BNC2: variants seen among roughly 807,000 people sequenced by gnomAD.
The protein encoded by BNC2 is zinc finger protein basonuclin-2.
Under a neutral mutation model 76.3 loss-of-function variants are expected in BNC2, and 20 were observed. The observed-to-expected ratio is 0.26, with a 90% CI of 0.18 to 0.38. The LOEUF (loss-of-function observed/expected upper bound fraction) is 0.38, where lower values mean the gene tolerates loss of function less well. Among genes scored for constraint, BNC2 ranks in the 10% least tolerant of loss-of-function variants. The pLI, the probability that BNC2 is intolerant of heterozygous loss-of-function variation, is 1.00. For synonymous variants in BNC2, 582 were observed against 514.8 expected (o/e 1.13, Z -1.77); for missense variants, 1,382 against 1,399.8 (o/e 0.99, Z 0.20).
intron 5 of BNC2, among the ~76,000 whole-genome samples, chr9:16,513,561 T>A (rs1822809352): frequency 6.6e-6 from 1 of 152,136 alleles, no homozygotes. Flanking sequence ...CGCCTCGGCC[T>A]CCCAAGTGCT....
chr9:16,490,011 A>G (rs2131616278), intron 5 of BNC2, among the ~76,000 whole-genome samples: 1 of 152,292 alleles, frequency 6.6e-6, no homozygotes, highest in South Asian at 2.1e-4. Context: ...AAAACAATAC[A>G]CGGATCTTTC....
chr9:16,631,675 G>A (rs1275842456), intron 3 of BNC2, among the ~76,000 whole-genome samples: 1 of 152,186 alleles, frequency 6.6e-6, no homozygotes, highest in Non-Finnish European at 1.5e-5. Context: ...CGTGTCCAAT[G>A]TTTGGGTTTG....
At chr9:16,845,539 G>A (rs1026167827) in intron 1 of BNC2, among the ~76,000 whole-genome samples, 2 of 151,928 alleles carry the variant, frequency 1.3e-5, no homozygotes, top group Non-Finnish European at 1.5e-5. Flanking sequence ...GGCTAACACA[G>A]TGAAACCCCA....
At position 16,436,599 on chromosome 9, in the gene BNC2, G is replaced by C. The variant is rs879473402; in HGVS notation, c.1595C>G (p.Thr532Arg). ...IASTKSNLAL[T>R]SPGRPPMGFT... ...ACCCATTGGGGGTCGGCCAGGGCTTGTGAGTGCCAGATTTGATTTTGTACT... is the reference window on the plus strand; with the variant it reads ...ACCCATTGGGGGTCGGCCAGGGCTTCTGAGTGCCAGATTTGATTTTGTACT... Residue 532 changes from threonine (T) to arginine (R), a missense_variant, in exon 6 of 7, where the codon ACA becomes AGA. Thr to Arg is a moderately conservative substitution (Grantham distance 71, BLOSUM62 -1). Around this residue, in one of 3 missense-constraint regions of BNC2, gnomAD observed 798 missense variants for 775.5 expected, o/e 1.03. Transcript: ENST00000380672. 9 of 1,614,010 alleles carry C rather than the reference G, an allele frequency of 5.6e-6. No homozygotes were observed. Among genetic ancestry groups the C allele is most frequent in the African/African-American group, 4.0e-5 (3 of 74,900 alleles).
At chr9:16,558,267 T>C (rs1196958161) in intron 4 of BNC2, among the ~76,000 whole-genome samples, 3 of 152,206 alleles carry the variant, frequency 2.0e-5, no homozygotes, top group Non-Finnish European at 4.4e-5. Flanking sequence ...GTCTGGACAG[T>C]GCAATTGAAT....
At chr9:16,731,432 G>C (rs1260857124) in intron 2 of BNC2, among the ~76,000 whole-genome samples, 2 of 152,156 alleles carry the variant, frequency 1.3e-5, no homozygotes, top group Non-Finnish European at 2.9e-5. Context: ...TTGTGTGAAT[G>C]TGAATACTTC....
In BNC2 at chr9:16,563,434, C is replaced by G. The variant is rs138846354; in HGVS notation, c.434-10669G>C. 2.1e-3 allele frequency among the ~76,000 whole-genome samples: 319 copies of G among 151,774 alleles called. 3 individuals are homozygous for G. Among genetic ancestry groups the G allele is most frequent in the African/African-American group, 7.3e-3 (303 of 41,354 alleles). On this transcript the variant is annotated intron_variant, in intron 4 of 6. Transcript: ENST00000380672. ...AAGAGTTCGAGACCAGCCTGGCCAA[C>G]AGAGCGAAACCCTGTATCTACCAAA...
At chr9:16,815,863 G>A (rs10962619) in intron 1 of BNC2, among the ~76,000 whole-genome samples, 34,317 of 151,898 alleles carry the variant, frequency 0.23, 4,487 homozygotes, top group East Asian at 0.46. Flanking sequence ...TACATTCTTC[G>A]ACACAAAGAT....
intron 1 of BNC2, among the ~76,000 whole-genome samples, chr9:16,842,585 T>C (rs1818860084): frequency 6.6e-6 from 1 of 152,176 alleles, no homozygotes; most frequent in Non-Finnish European, 1.5e-5. Context: ...CTTGTGAGTA[T>C]ACTAAAAACC....
At chr9:16,711,068 A>T (rs747604851) in intron 3 of BNC2, among the ~76,000 whole-genome samples, 1 of 152,006 alleles carries the variant, frequency 6.6e-6, no homozygotes, top group African/African-American at 2.4e-5. Context: ...AATTAGTGCT[A>T]CGTGACACGA....
At chr9:16,518,277 A>C (rs1817498707) in intron 5 of BNC2, among the ~76,000 whole-genome samples, 1 of 152,132 alleles carries the variant, frequency 6.6e-6, no homozygotes, top group South Asian at 2.1e-4. Flanking sequence ...AACATAAAAA[A>C]TACAAAATTA....
At chr9:16,575,554 G>A (rs1440020487) in intron 4 of BNC2, among the ~76,000 whole-genome samples, 1 of 152,158 alleles carries the variant, frequency 6.6e-6, no homozygotes, top group Non-Finnish European at 1.5e-5. Flanking sequence ...CAAATCAAAA[G>A]CTGCTCAGAG....
chr9:16,673,542 C>A (rs1304476602), intron 3 of BNC2, among the ~76,000 whole-genome samples: 2 of 151,848 alleles, frequency 1.3e-5, no homozygotes, highest in African/African-American at 4.8e-5. Context: ...AAGTCCCAGT[C>A]AAGAAAGATC....
At chr9:16,475,383 G>A (rs918903293) in intron 5 of BNC2, among the ~76,000 whole-genome samples, 18 of 152,106 alleles carry the variant, frequency 1.2e-4, no homozygotes, top group Non-Finnish European at 2.2e-4. Context: ...GGTGCATGCT[G>A]CTGCAAAGAA....
At chr9:16,727,605 C>T (rs1824377717) in intron 3 of BNC2, 192 bp downstream of exon 3, 5 of 575,266 alleles carry the variant, frequency 8.7e-6, no homozygotes, top group Non-Finnish European at 1.2e-5. Flanking sequence ...TCTTTTAAGA[C>T]GCCCTTAGGG....
At chr9:16,722,065 G>C (rs1420508779) in intron 3 of BNC2, among the ~76,000 whole-genome samples, 2 of 152,184 alleles carry the variant, frequency 1.3e-5, no homozygotes, top group African/African-American at 4.8e-5. Flanking sequence ...AAGTGAGTGT[G>C]TGTAATGCAT....
At chr9:16,611,006 T>C (rs1820530736) in intron 3 of BNC2, among the ~76,000 whole-genome samples, 1 of 152,132 alleles carries the variant, frequency 6.6e-6, no homozygotes, top group South Asian at 2.1e-4. Context: ...ATGAAAACAA[T>C]TTATGAAATT....
intron 4 of BNC2, among the ~76,000 whole-genome samples, chr9:16,568,736 T>G (rs16934816): frequency 0.11 from 16,655 of 152,140 alleles, 1,457 homozygotes; most frequent in African/African-American, 0.24. Flanking sequence ...AACATTAATA[T>G]AGGGCAATGA....
At position 16,838,240 on chromosome 9, in the gene BNC2, T is replaced by C. The variant is rs10962631; in HGVS notation, c.3+32406A>G. ...GTACAAATACATACTGACAGTTTAA[T>C]TCTAGATAGACTTTTACAGGAAAAA... On this transcript the variant is annotated intron_variant, in intron 1 of 6. Transcript: ENST00000380672. 4.6e-3 allele frequency among the ~76,000 whole-genome samples: 703 copies of C among 152,296 alleles called. 28 individuals are homozygous for C. The East Asian group carries it at 0.075, about 16-fold the overall frequency.
Sources: gnomAD v4.1 joint callset for allele counts (sites outside exome capture counted in the v4.1 genomes callset) on GRCh38, gnomAD v4.1.1 for gene constraint, gnomAD v4.1.1 regional missense constraint, MANE v1.5 for transcripts, NCBI Gene and HGNC (gene_info 2026-07-23, HGNC 2026-07-21) for gene names.